PRKCA: variants seen among roughly 807,000 people sequenced by gnomAD.
The protein encoded by PRKCA is protein kinase C alpha, also known as protein kinase C alpha type.
Under a neutral mutation model 87.0 loss-of-function variants are expected in PRKCA, and 27 were observed. That is an observed-to-expected ratio of 0.31 (90% CI 0.23 to 0.43). PRKCA has a LOEUF of 0.43. Among genes scored for constraint, PRKCA ranks in the 20% least tolerant of loss-of-function variants. The pLI, the probability that PRKCA is intolerant of heterozygous loss-of-function variation, is 1.00. For missense variants in PRKCA, 518 were observed against 852.3 expected (o/e 0.61, Z 4.88); for synonymous variants, 329 against 311.1 (o/e 1.06, Z -0.61).
At chr17:66,773,711 G>T (rs1160351840) in intron 13 of PRKCA, among the ~76,000 whole-genome samples, 1 of 151,948 alleles carries the variant, frequency 6.6e-6, no homozygotes, top group Non-Finnish European at 1.5e-5. Flanking sequence ...CTGCCAGGGA[G>T]GATAATTAAA....
intron 2 of PRKCA, among the ~76,000 whole-genome samples, chr17:66,352,386 A>G (rs1329039427): frequency 1.3e-5 from 2 of 152,072 alleles, no homozygotes; most frequent in African/African-American, 4.8e-5. Context: ...CATGAAATGA[A>G]CTATCAAGAG....
intron 2 of PRKCA, among the ~76,000 whole-genome samples, chr17:66,490,002 A>C (rs529133357): frequency 1.3e-5 from 2 of 152,200 alleles, no homozygotes; most frequent in East Asian, 3.9e-4. Flanking sequence ...GCTGGTCTCA[A>C]ACTCTTGACC....
At chr17:66,567,720 C>T (rs923484559) in intron 3 of PRKCA, among the ~76,000 whole-genome samples, 1 of 152,164 alleles carries the variant, frequency 6.6e-6, no homozygotes, top group Non-Finnish European at 1.5e-5. Flanking sequence ...TCCAGATCCA[C>T]CTCGGAGCCA....
chr17:66,480,917 C>T (rs145849176), intron 2 of PRKCA, among the ~76,000 whole-genome samples: 377 of 150,136 alleles, frequency 2.5e-3, no homozygotes, highest in Non-Finnish European at 4.2e-3. Context: ...GCGTTCCTTC[C>T]CCCGGTGCTT....
chr17:66,704,484 C>T (rs990335173), intron 8 of PRKCA, among the ~76,000 whole-genome samples: 8 of 152,198 alleles, frequency 5.3e-5, no homozygotes, highest in Non-Finnish European at 1.0e-4. Context: ...ACAATGGCTT[C>T]TGTCCAAACT....
At chr17:66,472,740 G>A (rs543405853) in intron 2 of PRKCA, among the ~76,000 whole-genome samples, 9 of 152,162 alleles carry the variant, frequency 5.9e-5, no homozygotes, top group Non-Finnish European at 1.2e-4. Flanking sequence ...AAGATCTTTT[G>A]GGATTATGTG....
At chr17:66,451,142 G>A (rs1914291234) in intron 2 of PRKCA, among the ~76,000 whole-genome samples, 1 of 152,120 alleles carries the variant, frequency 6.6e-6, no homozygotes, top group African/African-American at 2.4e-5. Context: ...TTAAAATGAT[G>A]AAATTTAGGA....
intron 2 of PRKCA, among the ~76,000 whole-genome samples, chr17:66,390,682 G>C (rs976107878): frequency 2.0e-5 from 3 of 152,122 alleles, no homozygotes; most frequent in Non-Finnish European, 4.4e-5. Flanking sequence ...TTAATTATGT[G>C]ACCCCCCTGG....
chr17:66,367,080 T>C (rs1253813221), intron 2 of PRKCA, among the ~76,000 whole-genome samples: 1 of 152,234 alleles, frequency 6.6e-6, no homozygotes, highest in African/African-American at 2.4e-5. Context: ...TTTGAAAACA[T>C]TGCTTTCAGC....
At chr17:66,402,438 AGAAT>A (rs1416608176) in intron 2 of PRKCA, among the ~76,000 whole-genome samples, 1 of 149,360 alleles carries the variant, frequency 6.7e-6, no homozygotes, top group African/African-American at 2.5e-5. Context: ...TTTTTTTTAA[AGAAT>A]ATGAGAGACT....
chr17:66,645,679 C>T (rs192300931), intron 5 of PRKCA, among the ~76,000 whole-genome samples, 168 bp downstream of exon 5: 33 of 152,276 alleles, frequency 2.2e-4, no homozygotes, highest in Admixed American at 1.0e-3. Flanking sequence ...TCTGAGCCCT[C>T]GGGTTAATAC....
intron 3 of PRKCA, among the ~76,000 whole-genome samples, chr17:66,504,453 G>T (rs1164697882): frequency 2.0e-5 from 3 of 152,074 alleles, no homozygotes; most frequent in African/African-American, 7.2e-5. Context: ...TTATCTGGAC[G>T]TGGTGGCACA....
At chr17:66,374,216 T>C (rs1199594201) in intron 2 of PRKCA, among the ~76,000 whole-genome samples, 3 of 152,114 alleles carry the variant, frequency 2.0e-5, no homozygotes, top group African/African-American at 7.2e-5. Context: ...CACCACCTCC[T>C]CAACTAGCAC....
chr17:66,516,933 G>C (rs1180894315), intron 3 of PRKCA, among the ~76,000 whole-genome samples: 1 of 152,162 alleles, frequency 6.6e-6, no homozygotes, highest in Non-Finnish European at 1.5e-5. Context: ...GATGGATATT[G>C]GGTTTTCTCT....
At position 66,804,350 on chromosome 17, in the gene PRKCA, A is replaced by T; in HGVS notation, c.*313A>T. ...GTTGCCCCATTTTGGGTACAATTTG[A>T]TATACTTTCCATACCCTCCATCTGT... On this transcript the variant is annotated 3_prime_UTR_variant, in exon 17 of 17. Transcript: ENST00000413366. 4.2e-6 allele frequency: 1 copy of T among 237,308 alleles called. No homozygotes were observed. The highest frequency in any genetic ancestry group is 5.1e-5 in the Admixed American group (1 of 19,514). The allele number at this position is 237,308 out of a possible 1,614,324, so 14.7% of individuals were successfully genotyped here. A position where few individuals can be genotyped will look rare whatever the true frequency, so the allele number is the denominator to read the frequency against.
chr17:66,308,460 T>G (rs1904932618), intron 2 of PRKCA, among the ~76,000 whole-genome samples: 1 of 152,188 alleles, frequency 6.6e-6, no homozygotes, highest in African/African-American at 2.4e-5. Context: ...ACCTAATATT[T>G]GAAACTCTGG....
intron 2 of PRKCA, among the ~76,000 whole-genome samples, chr17:66,472,114 C>G (rs1915351924): frequency 1.3e-5 from 2 of 152,122 alleles, no homozygotes; most frequent in South Asian, 4.2e-4. Flanking sequence ...CAGGCTTGCA[C>G]CACTGCACCT....
intron 3 of PRKCA, chr17:66,554,526 C>A (rs1968438210): frequency 2.1e-6 from 2 of 958,224 alleles, no homozygotes; most frequent in African/African-American, 1.8e-5. Context: ...CAGCTCTTCT[C>A]CCCTGTATTG....
chr17:66,758,711 C>G (rs1350226175), intron 13 of PRKCA, among the ~76,000 whole-genome samples: 1 of 152,170 alleles, frequency 6.6e-6, no homozygotes, highest in African/African-American at 2.4e-5. Context: ...CCCCTCCACC[C>G]CATTCGCTCG....
Sources: allele counts gnomAD v4.1 joint callset (sites outside exome capture counted in the v4.1 genomes callset), GRCh38; gene constraint gnomAD v4.1.1; transcripts MANE v1.5; gene names NCBI Gene and HGNC (gene_info 2026-07-23, HGNC 2026-07-21).